PPARGC1A: variants seen among roughly 807,000 people sequenced by gnomAD.
The protein encoded by PPARGC1A is PPARG coactivator 1 alpha.
PPARGC1A carries 25 observed loss-of-function variants against 88.7 expected under a neutral mutation model. That is an observed-to-expected ratio of 0.28 (90% CI 0.21 to 0.39). The LOEUF (loss-of-function observed/expected upper bound fraction) is 0.39. Ranked by LOEUF, PPARGC1A falls within the 10% of genes least tolerant of loss-of-function variation. The pLI, the probability that PPARGC1A is intolerant of heterozygous loss-of-function variation, is 1.00. For synonymous variants in PPARGC1A, 363 were observed against 355.6 expected (o/e 1.02, Z -0.24); for missense variants, 880 against 968.7 (o/e 0.91, Z 1.22).
At chr4:23,845,905 G>T (rs1171738812) in intron 2 of PPARGC1A, among the ~76,000 whole-genome samples, 1 of 152,132 alleles carries the variant, frequency 6.6e-6, no homozygotes, top group African/African-American at 2.4e-5. Flanking sequence ...CCCTTGTGAA[G>T]AATCTTTAAA....
the PPARGC1A span, among the ~76,000 whole-genome samples, chr4:24,321,729 C>T: frequency 2.6e-5 from 4 of 152,186 alleles, no homozygotes; most frequent in East Asian, 7.7e-4. Flanking sequence ...TGATGATGGA[C>T]GTTGGTTGCT....
At chr4:24,449,014 A>G in the PPARGC1A span, among the ~76,000 whole-genome samples, 32 of 152,304 alleles carry the variant, frequency 2.1e-4, no homozygotes, top group Admixed American at 8.5e-4. Context: ...TTTGAACATC[A>G]TAAAACGTTG....
At chr4:24,313,503 G>A in the PPARGC1A span, among the ~76,000 whole-genome samples, 1 of 152,188 alleles carries the variant, frequency 6.6e-6, no homozygotes, top group Non-Finnish European at 1.5e-5. Context: ...ATACTGCAAG[G>A]CAAGTTACAT....
chr4:23,913,114 A>G, the PPARGC1A span, among the ~76,000 whole-genome samples: 1 of 148,178 alleles, frequency 6.7e-6, no homozygotes, highest in Admixed American at 6.8e-5. Context: ...CACATGAACT[A>G]ATTTCTTAGC....
chr4:24,102,887 C>T, the PPARGC1A span, among the ~76,000 whole-genome samples: 9 of 152,154 alleles, frequency 5.9e-5, no homozygotes, highest in African/African-American at 2.2e-4. Flanking sequence ...CCACTGAAAA[C>T]AACACTGCGA....
the PPARGC1A span, among the ~76,000 whole-genome samples, chr4:24,340,736 G>A: frequency 1.3e-5 from 2 of 152,092 alleles, no homozygotes; most frequent in Admixed American, 6.5e-5. Flanking sequence ...CAAAAAGATG[G>A]GAACGCAGTG....
At chr4:24,312,462 G>T in the PPARGC1A span, among the ~76,000 whole-genome samples, 1 of 151,806 alleles carries the variant, frequency 6.6e-6, no homozygotes, top group Non-Finnish European at 1.5e-5. Flanking sequence ...GAGCTCTGAG[G>T]CAATATTCAG....
chr4:23,977,311 C>T, the PPARGC1A span, among the ~76,000 whole-genome samples: 3 of 152,206 alleles, frequency 2.0e-5, no homozygotes, highest in East Asian at 5.8e-4. Flanking sequence ...TCATATTTGC[C>T]ACCCAGTAGC....
chr4:24,166,864 C>T, the PPARGC1A span, among the ~76,000 whole-genome samples: 3 of 152,128 alleles, frequency 2.0e-5, no homozygotes, highest in Admixed American at 6.5e-5. Context: ...ACCCAAGAGC[C>T]CTGATATAAA....
chr4:24,124,416 A>C, the PPARGC1A span, among the ~76,000 whole-genome samples: 1 of 152,236 alleles, frequency 6.6e-6, no homozygotes, highest in Non-Finnish European at 1.5e-5. Flanking sequence ...TCTTAATTCA[A>C]TGGTACTCAT....
chr4:23,857,364 T>C (rs1730361868), intron 2 of PPARGC1A, among the ~76,000 whole-genome samples: 2 of 107,076 alleles, frequency 1.9e-5, no homozygotes, highest in Admixed American at 2.0e-4. Context: ...TATGTGCGTG[T>C]GTGTGTGTGA....
chr4:23,812,720 A>G (rs1721149091), intron 10 of PPARGC1A, 27 bp downstream of exon 10: 1 of 1,611,744 alleles, frequency 6.2e-7, no homozygotes, highest in Non-Finnish European at 8.5e-7. Flanking sequence ...CCTACTTTAA[A>G]ATAAAAGTGA....
the PPARGC1A span, among the ~76,000 whole-genome samples, chr4:23,919,123 A>T: frequency 2.0e-5 from 3 of 152,200 alleles, no homozygotes; most frequent in Admixed American, 1.3e-4. Context: ...TTTTGAAAAA[A>T]ATAATGTAAA....
chr4:24,326,735 T>C, the PPARGC1A span, among the ~76,000 whole-genome samples: 1 of 152,214 alleles, frequency 6.6e-6, no homozygotes, highest in African/African-American at 2.4e-5. Flanking sequence ...ACTCCTTTCC[T>C]TCCTAGGCAT....
At chr4:23,830,954 G>A (rs1395838270) in intron 3 of PPARGC1A, among the ~76,000 whole-genome samples, 1 of 152,010 alleles carries the variant, frequency 6.6e-6, no homozygotes, top group Non-Finnish European at 1.5e-5. Context: ...TTAAAACATT[G>A]CACATTCGTT....
the PPARGC1A span, among the ~76,000 whole-genome samples, chr4:24,442,758 G>C: frequency 6.6e-6 from 1 of 152,194 alleles, no homozygotes; most frequent in Non-Finnish European, 1.5e-5. Context: ...AAATATGTTA[G>C]AGATGGTATG....
the PPARGC1A span, among the ~76,000 whole-genome samples, chr4:24,120,759 C>T: frequency 6.6e-6 from 1 of 152,096 alleles, no homozygotes; most frequent in African/African-American, 2.4e-5. Context: ...CCCCTTTCCA[C>T]CACGTGAGAA....
At chr4:24,225,218 G>A in the PPARGC1A span, among the ~76,000 whole-genome samples, 1 of 152,142 alleles carries the variant, frequency 6.6e-6, no homozygotes, top group Non-Finnish European at 1.5e-5. Context: ...TCAGTTTGAA[G>A]CCTGTTTTAA....
the PPARGC1A span, among the ~76,000 whole-genome samples, chr4:24,246,968 C>T: frequency 1.9e-5 from 2 of 106,796 alleles, no homozygotes; most frequent in Non-Finnish European, 4.3e-5. Context: ...TAGAGCCACG[C>T]CAAACCAATT....
Sources: gnomAD v4.1 joint callset for allele counts (sites outside exome capture counted in the v4.1 genomes callset) on GRCh38, gnomAD v4.1.1 for gene constraint, MANE v1.5 for transcripts, NCBI Gene and HGNC (gene_info 2026-07-23, HGNC 2026-07-21) for gene names.